HMGCL: variants seen among roughly 807,000 people sequenced by gnomAD.
HMGCL encodes 3-hydroxy-3-methylglutaryl-CoA lyase, also known as hydroxymethylglutaryl-CoA lyase, mitochondrial.
In HMGCL, 26 loss-of-function variants were observed where a neutral mutation model predicts 37.3. That is an observed-to-expected ratio of 0.70 (90% CI 0.51 to 0.97). The LOEUF (loss-of-function observed/expected upper bound fraction) is 0.97. Ranked by LOEUF, HMGCL falls within the 50% of genes least tolerant of loss-of-function variation. HMGCL has a pLI of 0.00. For synonymous variants in HMGCL, 151 were observed against 148.0 expected, an observed-to-expected ratio of 1.02 and a Z score of -0.15; for missense variants, 379 against 398.1, an observed-to-expected ratio of 0.95 and a Z score of 0.41.
intron 4 of HMGCL, among the ~76,000 whole-genome samples, chr1:23,815,446 A>C (rs1638594987): frequency 6.6e-6 from 1 of 151,944 alleles, no homozygotes; most frequent in African/African-American, 2.4e-5. Context: ...GTGAGAGAAT[A>C]AATTTCTGTT....
In HMGCL at chr1:23,802,101, T is replaced by TA. The variant is rs1261517126; in HGVS notation, c.*361dup. ...ACGGCCATGGCAGGGTGGAGCCGTG[T>TA]AGAGGGTGGCCAGGTGGCCAGCTCG... On this transcript the variant is annotated 3_prime_UTR_variant, in exon 9 of 9. Transcript: ENST00000374490. The TA allele has an allele frequency of 5.4e-6, 3 of 552,018 alleles. No individual in the cohort carries two copies. In the African/African-American group the frequency reaches 5.6e-5, roughly 10 times the overall value. 34.2% of individuals were successfully genotyped at this position (552,018 alleles called of 1,614,324 possible).
rs186971918 is a variant in HMGCL at position 23,802,513 on chromosome 1, G to C, written c.928C>G (p.Leu310Val). The stretch of plus-strand genomic sequence containing the variant: ...ACTTTGGAGCTAGTTTTTCTGTTCA[G>C]GGCTTGACAGATAAAGTTTCCAGCT... ...LEAGNFICQALNRKTSSKVAQ... is the reference protein window; with the variant it reads ...LEAGNFICQAVNRKTSSKVAQ... The change falls in exon 9 of 9, where the codon CTG (leucine) becomes GTG (valine). Residue 310 changes from leucine (L) to valine (V), a missense_variant. By Grantham distance (32) the Leu-to-Val change is conservative. Coordinates refer to ENST00000374490, the MANE Select transcript of HMGCL (RefSeq NM_000191.3). The C allele has an allele frequency of 6.2e-7, 1 of 1,614,104 alleles. No individual in the cohort carries two copies. Among genetic ancestry groups the C allele is most frequent in the East Asian group, 2.2e-5 (1 of 44,896 alleles).
intron 8 of HMGCL, among the ~76,000 whole-genome samples, chr1:23,803,040 C>CT (rs918930340): frequency 7.1e-4 from 104 of 147,362 alleles, no homozygotes; most frequent in Admixed American, 1.3e-3. Flanking sequence ...ACTTTTCTTT[C>CT]TTTTTTTTTT....
intron 2 of HMGCL, among the ~76,000 whole-genome samples, chr1:23,820,037 G>A (rs1040303130): frequency 6.6e-6 from 1 of 152,126 alleles, no homozygotes; most frequent in Non-Finnish European, 1.5e-5. Context: ...AGGTTTGTAA[G>A]GAACACCCCC....
intron 2 of HMGCL, among the ~76,000 whole-genome samples, chr1:23,818,506 C>T (rs1324301646): frequency 6.6e-6 from 1 of 152,142 alleles, no homozygotes; most frequent in Non-Finnish European, 1.5e-5. Context: ...CTCCCCTTGC[C>T]TGCCTTCTCC....
At position 23,806,671 on chromosome 1, in the gene HMGCL, G is replaced by A; in HGVS notation, c.750+1464C>T. ...CACAGTGTTTATGAACACCTGGCCTGCTGTATGTTTGTTTATTTATTATCT... is the reference window on the plus strand; with the variant it reads ...CACAGTGTTTATGAACACCTGGCCTACTGTATGTTTGTTTATTTATTATCT... On this transcript the variant is annotated intron_variant, in intron 7 of 8. Transcript: ENST00000374490. This position sits in a 1 kb window ranked among gnomAD's most constrained non-coding sequence, Gnocchi z 4.0. 6.3e-6 allele frequency: 2 copies of A among 315,856 alleles called. No individual in the cohort carries two copies. The highest frequency in any genetic ancestry group is 1.7e-4 in the East Asian group (2 of 12,052). The allele number at this position is 315,856 out of a possible 1,614,324, so 19.6% of individuals were successfully genotyped here. A position where few individuals can be genotyped will look rare whatever the true frequency, so the allele number is the denominator to read the frequency against.
chr1:23,816,522 G>A (rs929972778), intron 4 of HMGCL, 153 bp downstream of exon 4: 6 of 751,744 alleles, frequency 8.0e-6, no homozygotes, highest in South Asian at 5.5e-5. Flanking sequence ...ACAGAGCAGT[G>A]AGTGGCAGGG....
intron 7 of HMGCL, among the ~76,000 whole-genome samples, chr1:23,805,695 G>A (rs1214919991): frequency 2.6e-5 from 4 of 152,092 alleles, no homozygotes; most frequent in South Asian, 2.1e-4. Flanking sequence ...CCCTGATCTC[G>A]GTTGGAGCCC....
chr1:23,815,137 G>C lies in HMGCL; in HGVS notation c.349-799C>G, dbSNP rs374996190. On this transcript the variant is annotated intron_variant, in intron 4 of 8. Transcript: ENST00000374490. ...TGGGAGAATCACTTGAACCTGGGAGGTGGAGCTTGCAGTGAGCCGAGATCA... is the reference window on the plus strand; with the variant it reads ...TGGGAGAATCACTTGAACCTGGGAGCTGGAGCTTGCAGTGAGCCGAGATCA... 2.0e-5 allele frequency among the ~76,000 whole-genome samples: 3 copies of C among 151,964 alleles called. No individual in the cohort carries two copies. In the East Asian group the frequency reaches 5.8e-4, roughly 29 times the overall value.
At chr1:23,814,164 A>G (rs111280594) in intron 5 of HMGCL, 26 bp downstream of exon 5, 1 of 1,612,442 alleles carries the variant, frequency 6.2e-7, no homozygotes, top group Non-Finnish European at 8.5e-7. Flanking sequence ...GTACAGAGGA[A>G]AGGATACCAA....
intron 7 of HMGCL, 119 bp downstream of exon 7, chr1:23,808,016 C>T: frequency 1.1e-6 from 1 of 905,000 alleles, no homozygotes; most frequent in Non-Finnish European, 1.8e-6. Flanking sequence ...CTGTGTCCAC[C>T]ATTGCCAGCT....
intron 1 of HMGCL, among the ~76,000 whole-genome samples, chr1:23,823,130 C>T (rs1267659350): frequency 2.2e-5 from 3 of 137,078 alleles, no homozygotes; most frequent in African/African-American, 5.6e-5. Context: ...GAGCTGAGAT[C>T]GTGCCATTGT....
intron 5 of HMGCL, 120 bp from the exon 6 acceptor site, chr1:23,810,919 G>A (rs1484575413): frequency 2.7e-5 from 21 of 774,030 alleles, no homozygotes; most frequent in Admixed American, 1.0e-4. Context: ...GCAGCTGGGC[G>A]GAGTAAGGGC....
At chr1:23,813,123 C>A (rs1008742233) in intron 5 of HMGCL, among the ~76,000 whole-genome samples, 1 of 151,582 alleles carries the variant, frequency 6.6e-6, no homozygotes, top group African/African-American at 2.4e-5. Context: ...CTCCTTACCT[C>A]AGGTGATCTG....
chr1:23,817,682 A>C, intron 2 of HMGCL, 99 bp from the exon 3 acceptor site: 1 of 759,262 alleles, frequency 1.3e-6, no homozygotes, highest in East Asian at 2.5e-5. Flanking sequence ...AATTTTTTGC[A>C]GTGGATGCAG....
intron 1 of HMGCL, 89 bp downstream of exon 1, chr1:23,825,267 C>CT (rs1638795531): frequency 9.0e-7 from 1 of 1,109,430 alleles, no homozygotes; most frequent in African/African-American, 1.5e-5. Context: ...GGCCTCGCCT[C>CT]TAAGAGAGCA....
intron 1 of HMGCL, among the ~76,000 whole-genome samples, chr1:23,822,297 G>C (rs1204975013): frequency 6.6e-6 from 1 of 152,074 alleles, no homozygotes; most frequent in Non-Finnish European, 1.5e-5. Flanking sequence ...TGGGTCTAAG[G>C]GGAGGTGACA....
At chr1:23,815,173 C>T (rs1329988908) in intron 4 of HMGCL, among the ~76,000 whole-genome samples, 1 of 151,998 alleles carries the variant, frequency 6.6e-6, no homozygotes, top group African/African-American at 2.4e-5. Flanking sequence ...TGCCACTGTA[C>T]TCCAGCCTGG....
In HMGCL at chr1:23,806,216, G is replaced by T. The variant is rs1326270240; in HGVS notation, c.751-1691C>A. Reference sequence around the variant, plus strand: ...GATCCACCTGCCTCAGCCTCCCAAAGTGCTGGGATTACAGGTGTGAGCCAC... The same window carrying T: ...GATCCACCTGCCTCAGCCTCCCAAATTGCTGGGATTACAGGTGTGAGCCAC... On this transcript the variant is annotated intron_variant, in intron 7 of 8. Transcript: ENST00000374490. The surrounding 1 kb of genome is among the most constrained non-coding windows in gnomAD (Gnocchi z 4.0). Among the ~76,000 whole-genome samples the T allele has an allele frequency of 6.6e-6, 1 of 152,024 alleles. No homozygotes were observed. The highest frequency in any genetic ancestry group is 1.5e-5 in the Non-Finnish European group (1 of 68,010).
Sources: allele counts gnomAD v4.1 joint callset (sites outside exome capture counted in the v4.1 genomes callset), GRCh38; gene constraint gnomAD v4.1.1; non-coding constraint Gnocchi (gnomAD v3.1); transcripts MANE v1.5; gene names NCBI Gene and HGNC (gene_info 2026-07-23, HGNC 2026-07-21).